RTL4: variants seen among roughly 807,000 people sequenced by gnomAD.
RTL4 encodes the protein retrotransposon Gag-like protein 4.
Under a neutral mutation model 5.3 loss-of-function variants are expected in RTL4, and 4 were observed. That is an observed-to-expected ratio of 0.75 (90% CI 0.37 to 1.72). RTL4 has a LOEUF of 1.72. RTL4 is among the 40% of genes most tolerant of loss of function. RTL4 has a pLI of 0.04. For missense variants in RTL4, 260 were observed against 227.1 expected, an observed-to-expected ratio of 1.14 and a Z score of -0.93; for synonymous variants, 98 against 87.3, an observed-to-expected ratio of 1.12 and a Z score of -0.68.
At chrX:112,308,837 C>T in the RTL4 span, among the ~76,000 whole-genome samples, 2 of 111,276 alleles carry the variant, frequency 1.8e-5, no homozygotes, top group Non-Finnish European at 3.8e-5. Context: ...AGCCACTGCA[C>T]ATAGTGTGGA....
the RTL4 span, among the ~76,000 whole-genome samples, chrX:112,329,779 A>G: frequency 9.0e-6 from 1 of 111,497 alleles, no homozygotes; most frequent in East Asian, 2.8e-4. Context: ...TGGCAAACCG[A>G]ATCCAGCAGC....
chrX:112,179,238 A>G, the RTL4 span, among the ~76,000 whole-genome samples: 20 of 111,218 alleles, frequency 1.8e-4, no homozygotes, highest in African/African-American at 6.6e-4. Context: ...AAGGCTATAC[A>G]ACCTGAATGA....
the RTL4 span, among the ~76,000 whole-genome samples, chrX:112,202,024 A>G: frequency 9.3e-6 from 1 of 107,089 alleles, no homozygotes; most frequent in Admixed American, 1.0e-4. Flanking sequence ...GTTTCATCAC[A>G]TGAGCATATT....
chrX:112,259,480 T>C, the RTL4 span, among the ~76,000 whole-genome samples: 1 of 110,656 alleles, frequency 9.0e-6, no homozygotes, highest in East Asian at 2.9e-4. Context: ...TTGAATCAAA[T>C]ACAATTAGGT....
At chrX:112,201,973 T>G in the RTL4 span, among the ~76,000 whole-genome samples, 1 of 103,423 alleles carries the variant, frequency 9.7e-6, no homozygotes, top group African/African-American at 3.5e-5. Context: ...TTGTGTGTGT[T>G]TGTGTGTGTG....
the RTL4 span, among the ~76,000 whole-genome samples, chrX:112,245,482 T>G: frequency 1.8e-5 from 2 of 112,141 alleles, no homozygotes; most frequent in African/African-American, 6.5e-5. Context: ...TCCATTTGAT[T>G]GAATTGGCTA....
At chrX:112,278,431 C>T in the RTL4 span, among the ~76,000 whole-genome samples, 1 of 112,166 alleles carries the variant, frequency 8.9e-6, no homozygotes, top group African/African-American at 3.2e-5. Flanking sequence ...CCTAGAGATA[C>T]TGACATCTAA....
At chrX:112,251,079 T>C in the RTL4 span, among the ~76,000 whole-genome samples, 1 of 111,869 alleles carries the variant, frequency 8.9e-6, no homozygotes, top group African/African-American at 3.2e-5. Flanking sequence ...ACAACTCATT[T>C]AGTCCTCAAA....
chrX:112,133,237 T>C, the RTL4 span, among the ~76,000 whole-genome samples: 7 of 112,198 alleles, frequency 6.2e-5, no homozygotes, highest in Non-Finnish European at 1.3e-4. Context: ...TAAGTGCTTT[T>C]CAAATCTCTT....
the RTL4 span, among the ~76,000 whole-genome samples, chrX:112,308,864 G>A: frequency 9.0e-6 from 1 of 111,049 alleles, no homozygotes; most frequent in Admixed American, 9.7e-5. Context: ...GAGGGGTTAG[G>A]GGTTTAGGAT....
chrX:112,241,205 C>G, the RTL4 span, among the ~76,000 whole-genome samples: 1 of 110,946 alleles, frequency 9.0e-6, no homozygotes, highest in African/African-American at 3.3e-5. Context: ...TGGGTATGTA[C>G]CCATTAATGG....
chrX:112,297,155 T>G, the RTL4 span, among the ~76,000 whole-genome samples: 1 of 110,890 alleles, frequency 9.0e-6, no homozygotes, highest in African/African-American at 3.3e-5. Flanking sequence ...TGTTTCTACC[T>G]CCCCAGTGTT....
chrX:112,211,549 T>C, the RTL4 span, among the ~76,000 whole-genome samples: 1 of 112,429 alleles, frequency 8.9e-6, no homozygotes, highest in Non-Finnish European at 1.9e-5. Context: ...GTTGTTGCTT[T>C]GGCTGCTTTG....
At chrX:112,252,094 C>T in the RTL4 span, among the ~76,000 whole-genome samples, 1 of 111,840 alleles carries the variant, frequency 8.9e-6, no homozygotes, top group African/African-American at 3.3e-5. Flanking sequence ...TTCTCTTTAT[C>T]AAAGATAAAC....
At chrX:112,247,844 G>A in the RTL4 span, among the ~76,000 whole-genome samples, 410 of 111,537 alleles carry the variant, frequency 3.7e-3, 4 homozygotes, top group African/African-American at 0.013. Context: ...GGTCCTATTG[G>A]CCTCAACTTG....
At chrX:112,285,580 G>T in the RTL4 span, among the ~76,000 whole-genome samples, 7 of 111,520 alleles carry the variant, frequency 6.3e-5, no homozygotes, top group African/African-American at 2.0e-4. Flanking sequence ...AATTGGGAGA[G>T]GCTGAAGGAA....
chrX:112,210,781 A>AT, the RTL4 span, among the ~76,000 whole-genome samples: 22 of 112,206 alleles, frequency 2.0e-4, no homozygotes, highest in Admixed American at 1.5e-3. Flanking sequence ...CAGGCCTTAG[A>AT]TTTTTTTAGC....
chrX:112,153,870 A>T, the RTL4 span, among the ~76,000 whole-genome samples: 9 of 111,146 alleles, frequency 8.1e-5, no homozygotes, highest in African/African-American at 2.9e-4. Context: ...TGAAGTTAAG[A>T]TTTCTCATCA....
the RTL4 span, among the ~76,000 whole-genome samples, chrX:112,200,026 A>C: frequency 8.9e-6 from 1 of 112,259 alleles, no homozygotes; most frequent in African/African-American, 3.2e-5. Context: ...TATATAACTC[A>C]TTAAATTCAT....
Sources: gnomAD v4.1 joint callset for allele counts (sites outside exome capture counted in the v4.1 genomes callset) on GRCh38, gnomAD v4.1.1 for gene constraint, MANE v1.5 for transcripts, NCBI Gene and HGNC (gene_info 2026-07-23, HGNC 2026-07-21) for gene names.